NAA11: variants seen among roughly 807,000 people sequenced by gnomAD.
The protein encoded by NAA11 is N-alpha-acetyltransferase 11, NatA catalytic subunit.
NAA11 carries 15 observed loss-of-function variants against 16.1 expected under a neutral mutation model. The ratio of observed to expected loss-of-function variants is 0.93; its 90% CI spans 0.62 to 1.44. NAA11 has a LOEUF of 1.44. Ranked by LOEUF, NAA11 falls within the 40% of genes most tolerant of loss-of-function variation. The pLI is 0.00. For missense variants in NAA11, 298 were observed against 291.3 expected (o/e 1.02, Z -0.17); for synonymous variants, 122 against 112.4 (o/e 1.09, Z -0.54).
At chr4:79,267,120 C>T (rs1722372007) in intron 2 of NAA11, among the ~76,000 whole-genome samples, 1 of 152,134 alleles carries the variant, frequency 6.6e-6, no homozygotes, top group Admixed American at 6.5e-5. Context: ...AGAACATACA[C>T]CTATTTCATA....
chr4:79,169,375 C>T, the NAA11 span, among the ~76,000 whole-genome samples: 1 of 152,088 alleles, frequency 6.6e-6, no homozygotes, highest in African/African-American at 2.4e-5. Flanking sequence ...GCTACAGTAA[C>T]CAAAACAGCA....
the NAA11 span, among the ~76,000 whole-genome samples, chr4:79,166,200 T>C: frequency 6.6e-6 from 1 of 152,164 alleles, no homozygotes; most frequent in African/African-American, 2.4e-5. Flanking sequence ...AACTTAAAAT[T>C]GTAGCACCAT....
chr4:79,202,746 T>C, the NAA11 span, among the ~76,000 whole-genome samples: 2 of 148,628 alleles, frequency 1.3e-5, no homozygotes, highest in African/African-American at 4.9e-5. Flanking sequence ...AGAATTATTA[T>C]GTATTTTCAT....
the NAA11 span, among the ~76,000 whole-genome samples, chr4:79,184,324 A>G: frequency 1.3e-5 from 2 of 152,190 alleles, no homozygotes; most frequent in East Asian, 3.8e-4. Context: ...TGCCGCAAGG[A>G]TGCTGCCTGG....
At chr4:79,312,665 AAAAAAAAG>A (rs1723811210), downstream of NAA11, among the ~76,000 whole-genome samples, 1 of 150,950 alleles carries the variant, frequency 6.6e-6, no homozygotes, top group Non-Finnish European at 1.5e-5. Context: ...AAAAAAAAAA[AAAAAAAAG>A]AGTTGGGGTC....
intron 2 of NAA11, among the ~76,000 whole-genome samples, chr4:79,256,477 A>T (rs1016746259): frequency 4.6e-5 from 7 of 151,876 alleles, no homozygotes; most frequent in African/African-American, 1.7e-4. Flanking sequence ...CCCTTTGGCA[A>T]CACAATAAAT....
At chr4:79,212,738 ATTG>A in the NAA11 span, among the ~76,000 whole-genome samples, 3 of 151,920 alleles carry the variant, frequency 2.0e-5, no homozygotes, top group Admixed American at 6.6e-5. Flanking sequence ...ATTATTAGTT[ATTG>A]TTGTTAATCT....
At chr4:79,264,639 G>A (rs1191491247) in intron 2 of NAA11, among the ~76,000 whole-genome samples, 1 of 152,098 alleles carries the variant, frequency 6.6e-6, no homozygotes, top group Non-Finnish European at 1.5e-5. Flanking sequence ...CTCAGCATTT[G>A]GCACAGGTCT....
At chr4:79,159,562 T>C in the NAA11 span, among the ~76,000 whole-genome samples, 1 of 152,210 alleles carries the variant, frequency 6.6e-6, no homozygotes, top group Non-Finnish European at 1.5e-5. Context: ...ATTACCATGA[T>C]CTATTTCCAA....
chr4:79,282,179 G>A (rs1453911725), intron 2 of NAA11, among the ~76,000 whole-genome samples: 1 of 152,098 alleles, frequency 6.6e-6, no homozygotes, highest in East Asian at 1.9e-4. Flanking sequence ...AAGAACACAA[G>A]TAAGGCAAAT....
chr4:79,287,038 C>T (rs1722958074), intron 2 of NAA11, among the ~76,000 whole-genome samples: 1 of 152,032 alleles, frequency 6.6e-6, no homozygotes, highest in Non-Finnish European at 1.5e-5. Context: ...TAACAAGAGG[C>T]TAGTTATTAA....
intron 1 of NAA11, among the ~76,000 whole-genome samples, chr4:79,304,467 G>A (rs958418877): frequency 1.3e-5 from 2 of 152,070 alleles, no homozygotes; most frequent in African/African-American, 4.8e-5. Context: ...TTTAAGGTAC[G>A]AATAATTCAT....
chr4:79,302,905 G>A (rs1341558071), intron 1 of NAA11, among the ~76,000 whole-genome samples: 3 of 151,752 alleles, frequency 2.0e-5, no homozygotes, highest in African/African-American at 4.8e-5. Context: ...TCCCTGGATC[G>A]TTAGATAAGA....
At chr4:79,315,961 T>C (rs1723916010), downstream of NAA11, among the ~76,000 whole-genome samples, 1 of 152,180 alleles carries the variant, frequency 6.6e-6, no homozygotes, top group Non-Finnish European at 1.5e-5. Flanking sequence ...AACAAAGAAA[T>C]GCCAATTGTT....
At chr4:79,232,320 A>G (rs1306714885) in intron 2 of NAA11, among the ~76,000 whole-genome samples, 1 of 151,884 alleles carries the variant, frequency 6.6e-6, no homozygotes, top group Non-Finnish European at 1.5e-5. Context: ...ATTTTTCTTT[A>G]GCTCCAAAAC....
At chr4:79,312,790 A>T (rs1475875366), downstream of NAA11, among the ~76,000 whole-genome samples, 1 of 152,052 alleles carries the variant, frequency 6.6e-6, no homozygotes, top group African/African-American at 2.4e-5. Context: ...ACGCCCAGCC[A>T]GTTTACTGAA....
At chr4:79,313,069 A>T (rs1054163340), downstream of NAA11, among the ~76,000 whole-genome samples, 1 of 152,136 alleles carries the variant, frequency 6.6e-6, no homozygotes, top group African/African-American at 2.4e-5. Context: ...ACATGCATAT[A>T]TTTGTCATTG....
chr4:79,308,492 A>G (rs1354677697), intron 1 of NAA11: 1 of 152,188 alleles, frequency 6.6e-6, no homozygotes, highest in Non-Finnish European at 1.5e-5. Context: ...AAGCCTGGCT[A>G]TCCTGGAGTT....
intron 2 of NAA11, among the ~76,000 whole-genome samples, chr4:79,250,452 C>T (rs573199775): frequency 6.6e-6 from 1 of 152,228 alleles, no homozygotes; most frequent in Non-Finnish European, 1.5e-5. Flanking sequence ...AAACTAGACC[C>T]CTTCTTTATA....
Sources: allele counts gnomAD v4.1 joint callset (sites outside exome capture counted in the v4.1 genomes callset), GRCh38; gene constraint gnomAD v4.1.1; transcripts MANE v1.5; gene names NCBI Gene and HGNC (gene_info 2026-07-23, HGNC 2026-07-21).